KMT2A: variants seen among roughly 807,000 people sequenced by gnomAD.
KMT2A encodes lysine methyltransferase 2A.
KMT2A carries 16 observed loss-of-function variants against 345.3 expected under a neutral mutation model. The observed-to-expected ratio is 0.05, with a 90% confidence interval of 0.03 to 0.07. KMT2A has a LOEUF of 0.07. KMT2A is among the 10% of genes least tolerant of loss of function. The pLI is 1.00. For missense variants in KMT2A, 3,272 were observed against 4,841.6 expected (o/e 0.68, Z 9.62); for synonymous variants, 1,599 against 1,778.6 (o/e 0.90, Z 2.54).
chr11:118,436,779 CTCGTCT>C lies in KMT2A; in HGVS notation c.279_284del (p.Ser97_Ser98del). ...CCTCAGCAGCCTCCTCGTCGTCCGC[CTCGTCT>C]TCGTCTTCGTCATCGTCCTCAGCCT... On this transcript the variant is annotated inframe_deletion, in exon 1 of 36. Coordinates refer to ENST00000534358, the MANE Select transcript of KMT2A (RefSeq NM_001197104.2). This position sits in a 1 kb window ranked among gnomAD's most constrained non-coding sequence, Gnocchi z 6.9. The C allele has an allele frequency of 2.5e-6, 4 of 1,605,322 alleles. No individual in the cohort carries two copies. The South Asian group carries it at 3.3e-5, about 13-fold the overall frequency.
intron 5 of KMT2A, among the ~76,000 whole-genome samples, chr11:118,479,095 A>G (rs1950088372): frequency 6.6e-6 from 1 of 152,218 alleles, no homozygotes; most frequent in Non-Finnish European, 1.5e-5. Flanking sequence ...TGTATTACAA[A>G]CAATCCAATT....
chr11:118,504,099 C>A lies in KMT2A; in HGVS notation c.8207C>A (p.Thr2736Lys), dbSNP rs782585188. 3 of 1,613,944 alleles carry A rather than the reference C, an allele frequency of 1.9e-6. No individual in the cohort carries two copies. Among genetic ancestry groups the A allele is most frequent in the Non-Finnish European group, 2.5e-6 (3 of 1,179,998 alleles). Residue 2736 changes from threonine (T) to lysine (K), a missense_variant, in exon 27 of 36, where the codon ACA becomes AAA. Around this residue, in one of 27 missense-constraint regions of KMT2A, gnomAD observed 9 missense variants for 27.7 expected, o/e 0.32. Transcript: ENST00000534358. The surrounding 1 kb of genome is among the most constrained non-coding windows in gnomAD (Gnocchi z 6.4). ...GAGAGTGATACTAGTGTCACAGCCACAACAAGGAAAAGCAGCCAGATTCCA... is the reference window on the plus strand; with the variant it reads ...GAGAGTGATACTAGTGTCACAGCCAAAACAAGGAAAAGCAGCCAGATTCCA... ...GTESDTSVTA[T>K]TRKSSQIPKR... is the part of the protein sequence containing the mutation.
chr11:118,478,015 C>A lies in KMT2A; in HGVS notation c.3383C>A (p.Pro1128His), dbSNP rs998804195. 1 of 1,614,102 alleles carries A rather than the reference C, an allele frequency of 6.2e-7. No homozygotes were observed. Among genetic ancestry groups the A allele is most frequent in the South Asian group, 1.1e-5 (1 of 91,080 alleles). Reference protein sequence around the residue: ...GSEDAEPLAPPIKPIKPVTRN... With the variant: ...GSEDAEPLAPHIKPIKPVTRN... Reference sequence around the variant, plus strand: ...GAAGATGCTGAACCTCTTGCTCCACCCATCAAACCAATTAAACCTGTCACT... The same window carrying A: ...GAAGATGCTGAACCTCTTGCTCCACACATCAAACCAATTAAACCTGTCACT... The change falls in exon 5 of 36, where the codon CCC (proline) becomes CAC (histidine). Residue 1128 changes from proline to histidine, a missense_variant. By Grantham distance (77) the Pro-to-His change is moderately conservative. Transcript: ENST00000534358.
intron 29 of KMT2A, among the ~76,000 whole-genome samples, chr11:118,509,575 C>T (rs1950647292): frequency 6.6e-6 from 1 of 152,162 alleles, no homozygotes; most frequent in South Asian, 2.1e-4. Flanking sequence ...ATACCAGATA[C>T]ATCTCCATGG....
chr11:118,468,933 C>T, intron 2 of KMT2A, 89 bp downstream of exon 2: 5 of 935,680 alleles, frequency 5.3e-6, no homozygotes, highest in South Asian at 4.2e-5. Context: ...GTAAAGGATG[C>T]TCTACCATAC....
At chr11:118,438,744 A>C (rs111411364) in intron 1 of KMT2A, among the ~76,000 whole-genome samples, 1 of 152,160 alleles carries the variant, frequency 6.6e-6, no homozygotes, top group Non-Finnish European at 1.5e-5. Context: ...TTTAGTTGTT[A>C]GTCTTCCTGC....
intron 1 of KMT2A, among the ~76,000 whole-genome samples, chr11:118,452,928 G>T (rs1949570342): frequency 6.7e-6 from 1 of 149,944 alleles, no homozygotes; most frequent in Non-Finnish European, 1.5e-5. Flanking sequence ...CACTGTGCCT[G>T]GCGGAAGTGC....
chr11:118,482,201 G>A (rs558413828), intron 7 of KMT2A, 109 bp downstream of exon 7: 225 of 1,281,252 alleles, frequency 1.8e-4, no homozygotes, highest in Non-Finnish European at 1.8e-4. Flanking sequence ...GAAGTCTTCA[G>A]TTCAAGAAAA....
At chr11:118,471,142 A>G (rs1409730090) in intron 2 of KMT2A, among the ~76,000 whole-genome samples, 2 of 152,230 alleles carry the variant, frequency 1.3e-5, no homozygotes, top group Non-Finnish European at 2.9e-5. Flanking sequence ...TTGGCAAAAC[A>G]GATTGAAATA....
At chr11:118,508,212 G>A (rs868910175) in intron 28 of KMT2A, among the ~76,000 whole-genome samples, 1 of 151,938 alleles carries the variant, frequency 6.6e-6, no homozygotes, top group Admixed American at 6.6e-5. Context: ...AAGATATAAC[G>A]TGGTATATAT....
rs2134427561 is a variant in KMT2A at position 118,509,207 on chromosome 11, G to A, written c.10900+7G>A. On this transcript the variant is annotated splice_region_variant and intron_variant, in intron 29 of 35. Transcript: ENST00000534358. ...AATGAACAAGAAAGTGCAGGTATGTGGGTGGGTAAAAGGTTAGAATCAGAG... is the reference window on the plus strand; with the variant it reads ...AATGAACAAGAAAGTGCAGGTATGTAGGTGGGTAAAAGGTTAGAATCAGAG... 1 of 1,610,416 alleles carries A rather than the reference G, an allele frequency of 6.2e-7. No homozygotes were observed. The highest frequency in any genetic ancestry group is 8.5e-7 in the Non-Finnish European group (1 of 1,176,926).
intron 2 of KMT2A, 132 bp from the exon 3 acceptor site, chr11:118,471,530 A>G (rs1475465513): frequency 2.0e-6 from 1 of 494,320 alleles, no homozygotes; most frequent in African/African-American, 2.0e-5. Context: ...CACAATTAAG[A>G]TGTTTGATTG....
In KMT2A at chr11:118,503,758, C is replaced by T. The variant is rs1555046856; in HGVS notation, c.7866C>T (p.Arg2622=). Residue 2622 remains arginine, a synonymous_variant, in exon 27 of 36, where the codon CGC becomes CGT. Transcript: ENST00000534358. The surrounding 1 kb of genome is among the most constrained non-coding windows in gnomAD (Gnocchi z 5.3). ...CTTTTAAAAGGAGGTATCCCCGTCG[C>T]AGTGCCCGTGCACGTTCTAACATGT... ...DGSFKRRYPR[R]SARARSNMFF... 6.2e-7 allele frequency: 1 copy of T among 1,614,224 alleles called. No homozygotes were observed. The highest frequency in any genetic ancestry group is 1.7e-5 in the Admixed American group (1 of 60,022).
rs1949359304 is a variant in KMT2A at position 118,443,665 on chromosome 11, T to G, written c.432+6721T>G. 8.5e-5 allele frequency among the ~76,000 whole-genome samples: 13 copies of G among 152,348 alleles called. No individual in the cohort carries two copies. The South Asian group carries it at 2.5e-3, about 29-fold the overall frequency. Reference sequence around the variant, plus strand: ...AAACAACAAAGATATAAGAGTTAGTTGGCAGTTTTGTGTGCAGTGTATGAA... The same window carrying G: ...AAACAACAAAGATATAAGAGTTAGTGGGCAGTTTTGTGTGCAGTGTATGAA... On this transcript the variant is annotated intron_variant, in intron 1 of 35. Transcript: ENST00000534358.
rs1555045701 is a variant in KMT2A, at chr11:118,501,705, A to G, written c.6353A>G (p.Glu2118Gly). 1 of 1,613,816 alleles carries G rather than the reference A, an allele frequency of 6.2e-7. No homozygotes were observed. The highest frequency in any genetic ancestry group is 8.5e-7 in the Non-Finnish European group (1 of 1,179,906). ...SSSKESQNTA[E>G]IISPPSPDRP... ...TCAAAAGAGAGTCAAAACACAGCTG[A>G]AATTATAAGTCCTCCATCACCAGAC... The change falls in exon 26 of 36, where the codon GAA becomes GGA. Residue 2118 changes from glutamate (E) to glycine (G), a missense_variant. By Grantham distance (98) the Glu-to-Gly change is moderately conservative. This residue lies in a region of KMT2A where 66 missense variants were observed against 73.9 expected (regional missense o/e 0.89). Coordinates refer to ENST00000534358, the MANE Select transcript of KMT2A (RefSeq NM_001197104.2).
At chr11:118,439,038 C>T in intron 1 of KMT2A, 3 of 512,498 alleles carry the variant, frequency 5.9e-6, no homozygotes, top group Non-Finnish European at 1.2e-5. Flanking sequence ...CAACACAGAT[C>T]CCATGTAGTT....
At chr11:118,499,943 GC>G (rs1950474042) in intron 24 of KMT2A, 30 bp downstream of exon 24, 1 of 1,475,160 alleles carries the variant, frequency 6.8e-7, no homozygotes, top group Non-Finnish European at 9.5e-7. Context: ...GAAGAGAGCA[GC>G]CCCACAACCT....
rs1555050205 is a variant in KMT2A at position 118,511,988 on chromosome 11, T to C, written c.11109T>C (p.Ala3703=). ...WKSLTDKVQE[A]RSNARLKQLS... ...CATTGACAGATAAAGTCCAGGAAGC[T>C]CGATCAAATGCCCGCCTAAAGCAGC... Residue 3703 remains alanine, a synonymous_variant, in exon 31 of 36, where the codon GCT becomes GCC. Coordinates refer to ENST00000534358, the MANE Select transcript of KMT2A (RefSeq NM_001197104.2). The C allele has an allele frequency of 6.2e-7, 1 of 1,614,170 alleles. No individual in the cohort carries two copies. Among genetic ancestry groups the C allele is most frequent in the East Asian group, 2.2e-5 (1 of 44,878 alleles).
Position 118,503,252 on chromosome 11 carries a change from C to A in KMT2A, c.7360C>A (p.Gln2454Lys). The A allele has an allele frequency of 1.2e-6, 2 of 1,614,038 alleles. No homozygotes were observed. Among genetic ancestry groups the A allele is most frequent in the South Asian group, 2.2e-5 (2 of 91,036 alleles). Residue 2454 changes from glutamine to lysine, a missense_variant, in exon 27 of 36, where the codon CAG becomes AAG. Transcript: ENST00000534358. The surrounding 1 kb of genome is among the most constrained non-coding windows in gnomAD (Gnocchi z 5.3). ...HSSKSFLEPG[Q>K]VTTGEEGNLK... is the part of the protein sequence containing the mutation. The stretch of plus-strand genomic sequence containing the variant: ...CAGTAAATCTTTTTTGGAACCTGGT[C>A]AGGTGACAACTGGTGAGGAAGGAAA...
Sources: allele counts gnomAD v4.1 joint callset (sites outside exome capture counted in the v4.1 genomes callset), GRCh38; gene constraint gnomAD v4.1.1; regional missense constraint gnomAD v4.1.1; non-coding constraint Gnocchi (gnomAD v3.1); transcripts MANE v1.5; gene names NCBI Gene and HGNC (gene_info 2026-07-23, HGNC 2026-07-21).